Variants in PRKCQ observed in about 807,000 individuals in gnomAD.
PRKCQ encodes protein kinase C theta.
PRKCQ carries 41 observed loss-of-function variants against 91.2 expected under a neutral mutation model. The ratio of observed to expected loss-of-function variants is 0.45; its 90% CI spans 0.35 to 0.58. The LOEUF (loss-of-function observed/expected upper bound fraction) is 0.58, where lower values mean the gene tolerates loss of function less well. Among genes scored for constraint, PRKCQ ranks in the 20% least tolerant of loss-of-function variants. PRKCQ has a pLI of 0.00. For missense variants in PRKCQ, 673 were observed against 896.5 expected (o/e 0.75, Z 3.18); for synonymous variants, 307 against 316.9 (o/e 0.97, Z 0.33).
At chr10:6,469,128 G>A (rs901974785) in intron 12 of PRKCQ, among the ~76,000 whole-genome samples, 1 of 152,178 alleles carries the variant, frequency 6.6e-6, no homozygotes, top group East Asian at 1.9e-4. Context: ...GCAAGATTTG[G>A]AGCGAGTGTG....
At chr10:6,527,134 ATT>A (rs1839228538) in intron 1 of PRKCQ, among the ~76,000 whole-genome samples, 1 of 152,184 alleles carries the variant, frequency 6.6e-6, no homozygotes, top group Admixed American at 6.5e-5. Flanking sequence ...GAGACATTTT[ATT>A]TTGGACACGT....
the PRKCQ span, among the ~76,000 whole-genome samples, chr10:6,417,856 C>T: frequency 6.6e-6 from 1 of 152,230 alleles, no homozygotes; most frequent in African/African-American, 2.4e-5. Context: ...GTCATTCCTA[C>T]ATCTCCAGCT....
At chr10:6,477,297 T>C (rs1433724045) in intron 12 of PRKCQ, among the ~76,000 whole-genome samples, 1 of 152,252 alleles carries the variant, frequency 6.6e-6, no homozygotes, top group Non-Finnish European at 1.5e-5. Context: ...TATATACTTC[T>C]GTATCCTCCA....
chr10:6,431,992 C>T (rs1833450016), intron 16 of PRKCQ, among the ~76,000 whole-genome samples: 1 of 152,200 alleles, frequency 6.6e-6, no homozygotes, highest in South Asian at 2.1e-4. Context: ...CTGTCAAGGG[C>T]ATTAAGAAAC....
chr10:6,409,797 AT>A, the PRKCQ span, among the ~76,000 whole-genome samples: 1 of 152,152 alleles, frequency 6.6e-6, no homozygotes, highest in African/African-American at 2.4e-5. Context: ...AAAAGCTATC[AT>A]TTTCATGGAA....
chr10:6,541,221 G>A (rs1839764338), intron 1 of PRKCQ, among the ~76,000 whole-genome samples: 1 of 152,130 alleles, frequency 6.6e-6, no homozygotes, highest in Admixed American at 6.5e-5. Flanking sequence ...TCCCCACCTG[G>A]CCCTGGACCA....
the PRKCQ span, among the ~76,000 whole-genome samples, chr10:6,404,320 C>A: frequency 6.9e-6 from 1 of 145,514 alleles, no homozygotes; most frequent in African/African-American, 2.5e-5. Flanking sequence ...CAAATACTTG[C>A]AATGTTCAGA....
At chr10:6,530,530 T>G (rs1175328912) in intron 1 of PRKCQ, among the ~76,000 whole-genome samples, 1 of 152,204 alleles carries the variant, frequency 6.6e-6, no homozygotes, top group Non-Finnish European at 1.5e-5. Flanking sequence ...AACGGGGGAC[T>G]GGGCTATCAC....
chr10:6,464,886 G>C (rs892203882), intron 12 of PRKCQ, among the ~76,000 whole-genome samples: 1 of 152,118 alleles, frequency 6.6e-6, no homozygotes, highest in African/African-American at 2.4e-5. Flanking sequence ...AACAATCTAT[G>C]TTTTTGAGCC....
intron 1 of PRKCQ, among the ~76,000 whole-genome samples, chr10:6,526,200 G>C (rs1839190654): frequency 6.6e-6 from 1 of 152,114 alleles, no homozygotes; most frequent in Non-Finnish European, 1.5e-5. Context: ...TTCTTCCTCA[G>C]GATCCTTGGT....
the PRKCQ span, among the ~76,000 whole-genome samples, chr10:6,399,885 C>T: frequency 6.6e-6 from 1 of 152,070 alleles, no homozygotes; most frequent in Non-Finnish European, 1.5e-5. Flanking sequence ...CAAGGTCACT[C>T]AGATCAAGTC....
chr10:6,428,109 C>CTT lies in PRKCQ; in HGVS notation c.*96_*97dup. ...TCTCAGTCTTTATTGTTGAGTGTTTCTTTCTTTTTCCAAGTTGAAAAAGGA... is the reference window on the plus strand; with the variant it reads ...TCTCAGTCTTTATTGTTGAGTGTTTCTTTTTCTTTTTCCAAGTTGAAAAAGGA... On this transcript the variant is annotated 3_prime_UTR_variant, in exon 18 of 18. Coordinates refer to ENST00000263125, the MANE Select transcript of PRKCQ (RefSeq NM_006257.5). 3 of 1,488,546 alleles carry CTT rather than the reference C, an allele frequency of 2.0e-6. No homozygotes were observed. The highest frequency in any genetic ancestry group is 2.8e-6 in the Non-Finnish European group (3 of 1,080,278). The allele number at this position is 1,488,546 out of a possible 1,614,324, so 92.2% of individuals were successfully genotyped here. A position where few individuals can be genotyped will look rare whatever the true frequency, so the allele number is the denominator to read the frequency against.
the PRKCQ span, among the ~76,000 whole-genome samples, chr10:6,419,662 A>G: frequency 6.7e-6 from 1 of 149,268 alleles, no homozygotes; most frequent in Non-Finnish European, 1.5e-5. Flanking sequence ...CCACTCTCAA[A>G]TCTCTGACAG....
chr10:6,428,255 G>A lies in PRKCQ; in HGVS notation c.2073C>T (p.Phe691=). 2 of 1,614,206 alleles carry A rather than the reference G, an allele frequency of 1.2e-6. No individual in the cohort carries two copies. The highest frequency in any genetic ancestry group is 1.7e-6 in the Non-Finnish European group (2 of 1,180,042). The change falls in exon 18 of 18, where the codon TTC becomes TTT. Residue 691 remains phenylalanine, a synonymous_variant. Coordinates refer to ENST00000263125, the MANE Select transcript of PRKCQ (RefSeq NM_006257.5). ...CGGGGTTCATGAAGGAAAAGTTCCT[G>A]AACATATTCTGGTCCATGCTGTTGA... ...ALINSMDQNM[F]RNFSFMNPGM... is the part of the protein sequence containing the mutation.
intron 1 of PRKCQ, among the ~76,000 whole-genome samples, chr10:6,539,179 C>A (rs1839688250): frequency 6.6e-6 from 1 of 152,166 alleles, no homozygotes; most frequent in South Asian, 2.1e-4. Context: ...TAACATTCTG[C>A]CTCACTATAT....
chr10:6,451,198 A>G (rs1215544359), intron 15 of PRKCQ, among the ~76,000 whole-genome samples: 2 of 149,416 alleles, frequency 1.3e-5, no homozygotes, highest in African/African-American at 4.9e-5. Flanking sequence ...ATAAAGAAAA[A>G]AAGAGAGAAG....
chr10:6,445,183 G>C (rs6602704), intron 15 of PRKCQ, among the ~76,000 whole-genome samples: 138,786 of 148,546 alleles, frequency 0.93, 65,247 homozygotes, highest in East Asian at 0.98. Context: ...AGGAAAGCCA[G>C]ATGTTTTGAT....
chr10:6,567,685 C>T (rs1840881773), intron 1 of PRKCQ, among the ~76,000 whole-genome samples: 1 of 152,078 alleles, frequency 6.6e-6, no homozygotes, highest in Admixed American at 6.6e-5. Context: ...ATGTGAGTGC[C>T]CATTTTATTT....
intron 1 of PRKCQ, among the ~76,000 whole-genome samples, chr10:6,558,868 A>G (rs1252217467): frequency 6.6e-6 from 1 of 152,180 alleles, no homozygotes; most frequent in Non-Finnish European, 1.5e-5. Flanking sequence ...GAGAAACTTC[A>G]TTCAGAGCTG....
Sources: allele counts gnomAD v4.1 joint callset (sites outside exome capture counted in the v4.1 genomes callset), GRCh38; gene constraint gnomAD v4.1.1; transcripts MANE v1.5; gene names NCBI Gene and HGNC (gene_info 2026-07-23, HGNC 2026-07-21).